The following DGKI variants were observed in gnomAD, a reference collection of about 807,000 sequenced individuals.
The protein encoded by DGKI is diacylglycerol kinase iota.
DGKI carries 55 observed loss-of-function variants against 147.5 expected under a neutral mutation model. The ratio of observed to expected loss-of-function variants is 0.37; its 90% CI spans 0.30 to 0.47. The LOEUF is 0.47. Ranked by LOEUF, DGKI falls within the 20% of genes least tolerant of loss-of-function variation. The pLI is 1.00. For missense variants in DGKI, 1,007 were observed against 1,323.8 expected (o/e 0.76, Z 3.71); for synonymous variants, 469 against 477.1 (o/e 0.98, Z 0.22).
chr7:137,578,360 C>T (rs1819061081), intron 15 of DGKI, 35 bp from the exon 16 acceptor site: 1 of 1,554,228 alleles, frequency 6.4e-7, no homozygotes, highest in Non-Finnish European at 8.9e-7. Flanking sequence ...GTTATGGAGA[C>T]CTCACTAAAG....
In DGKI at chr7:137,494,179, A is replaced by C. The variant is rs184929202; in HGVS notation, c.2249-6490T>G. Reference sequence around the variant, plus strand: ...GAGAAATATGGGATTATTTAAAGAGACCAAGTCTATGACTTATCAGCATCC... The same window carrying C: ...GAGAAATATGGGATTATTTAAAGAGCCCAAGTCTATGACTTATCAGCATCC... On this transcript the variant is annotated intron_variant, in intron 21 of 32. Transcript: ENST00000614521. Among the ~76,000 whole-genome samples the C allele has an allele frequency of 1.5e-3, 235 of 152,328 alleles. 1 individual carries two copies. Among genetic ancestry groups the C allele is most frequent in the African/African-American group, 5.5e-3 (229 of 41,574 alleles).
At chr7:137,484,731 G>C (rs1815493878) in intron 23 of DGKI, among the ~76,000 whole-genome samples, 1 of 152,014 alleles carries the variant, frequency 6.6e-6, no homozygotes, top group South Asian at 2.1e-4. Flanking sequence ...GAATAACTGA[G>C]TGTTCTCCTA....
At chr7:137,469,801 A>G (rs1461468818) in intron 23 of DGKI, among the ~76,000 whole-genome samples, 182 bp from the exon 24 acceptor site, 2 of 152,224 alleles carry the variant, frequency 1.3e-5, no homozygotes, top group East Asian at 3.8e-4. Flanking sequence ...GAACTTTTGA[A>G]AATGACTCCC....
intron 21 of DGKI, among the ~76,000 whole-genome samples, chr7:137,501,360 TC>T (rs1010307450): frequency 1.2e-4 from 18 of 152,304 alleles, no homozygotes; most frequent in Middle Eastern, 3.4e-3. Context: ...ATATACTGAT[TC>T]CTTTCTTTTG....
chr7:137,426,428 C>T (rs1157565146), intron 28 of DGKI, among the ~76,000 whole-genome samples: 1 of 152,130 alleles, frequency 6.6e-6, no homozygotes, highest in East Asian at 1.9e-4. Flanking sequence ...ACAACCGGTA[C>T]CAGCCACTAC....
At chr7:137,664,672 A>G (rs770321412) in intron 3 of DGKI, among the ~76,000 whole-genome samples, 12 of 152,108 alleles carry the variant, frequency 7.9e-5, no homozygotes, top group Non-Finnish European at 1.5e-4. Flanking sequence ...TTTATTTGGG[A>G]ACAGTTGCAG....
At chr7:137,700,381 G>C (rs547034046) in intron 1 of DGKI, among the ~76,000 whole-genome samples, 2 of 152,186 alleles carry the variant, frequency 1.3e-5, no homozygotes, top group Non-Finnish European at 2.9e-5. Context: ...ACAGATGAAT[G>C]GTTGTCTTGG....
intron 27 of DGKI, among the ~76,000 whole-genome samples, chr7:137,457,696 G>T (rs7792957): frequency 6.6e-6 from 1 of 151,986 alleles, no homozygotes; most frequent in East Asian, 1.9e-4. Context: ...AAATTTCCTT[G>T]AGCACACATA....
intron 19 of DGKI, among the ~76,000 whole-genome samples, chr7:137,570,256 G>A (rs563974285): frequency 7.2e-5 from 11 of 152,176 alleles, no homozygotes; most frequent in Admixed American, 1.3e-4. Context: ...TAACTGGTCC[G>A]CACATCATTT....
chr7:137,561,493 TA>T (rs1339005562), intron 19 of DGKI, among the ~76,000 whole-genome samples: 10 of 152,132 alleles, frequency 6.6e-5, no homozygotes, highest in Non-Finnish European at 1.2e-4. Context: ...AAATAAATTT[TA>T]GTGTTCTATA....
chr7:137,759,264 A>G (rs1018934700), intron 1 of DGKI, among the ~76,000 whole-genome samples: 5 of 151,786 alleles, frequency 3.3e-5, no homozygotes, highest in African/African-American at 1.2e-4. Flanking sequence ...CACTGAGACA[A>G]TGGCCTCCAG....
At chr7:137,795,926 A>G (rs1797011407) in intron 1 of DGKI, among the ~76,000 whole-genome samples, 1 of 152,238 alleles carries the variant, frequency 6.6e-6, no homozygotes, top group African/African-American at 2.4e-5. Context: ...AACAAAGAAC[A>G]CAGACTTTAC....
At chr7:137,770,967 T>C (rs559703613) in intron 1 of DGKI, among the ~76,000 whole-genome samples, 1 of 152,360 alleles carries the variant, frequency 6.6e-6, no homozygotes, top group East Asian at 1.9e-4. Flanking sequence ...TGAGGCAAGC[T>C]TTGAATGAGT....
chr7:137,763,544 G>A (rs1795922512), intron 1 of DGKI, among the ~76,000 whole-genome samples: 1 of 152,174 alleles, frequency 6.6e-6, no homozygotes, highest in Non-Finnish European at 1.5e-5. Context: ...AATGTTTTAT[G>A]GAAATTATGT....
At chr7:137,401,242 TAA>T (rs1296216928) in intron 30 of DGKI, among the ~76,000 whole-genome samples, 1 of 151,576 alleles carries the variant, frequency 6.6e-6, no homozygotes, top group East Asian at 1.9e-4. Flanking sequence ...GAGAAAAAAA[TAA>T]AGACTAGTCA....
rs368399753 is a variant in DGKI at position 137,819,313 on chromosome 7, A to ATTT, written c.401+27146_401+27148dup. ...TCCAAGAACTTCAGACTACAAGGGA[A>ATTT]TTTTTTTTTTTTTTTTGAGACAGAG... is the stretch of plus-strand genomic sequence containing the variant. On this transcript the variant is annotated intron_variant, in intron 1 of 32. Coordinates refer to ENST00000614521, the MANE Select transcript of DGKI (RefSeq NM_001321708.2). Among the ~76,000 whole-genome samples the ATTT allele has an allele frequency of 7.2e-3, 1,041 of 143,698 alleles. 10 individuals are homozygous for ATTT. Among genetic ancestry groups the ATTT allele is most frequent in the African/African-American group, 0.025 (994 of 39,260 alleles). The allele number at this position is 143,698 out of a possible 152,430, so 94.3% of individuals were successfully genotyped here. A position where few individuals can be genotyped will look rare whatever the true frequency, so the allele number is the denominator to read the frequency against.
intron 12 of DGKI, 61 bp downstream of exon 12, chr7:137,597,786 A>C: frequency 6.6e-7 from 1 of 1,513,144 alleles, no homozygotes; most frequent in Non-Finnish European, 9.2e-7. Flanking sequence ...AAGAAGTGCC[A>C]CAAGAAAACA....
chr7:137,405,428 G>T (rs1731942), intron 30 of DGKI, among the ~76,000 whole-genome samples: 152,235 of 152,236 alleles, frequency 1, 76,117 homozygotes, highest in Non-Finnish European at 1. Flanking sequence ...TTGTGAAACT[G>T]GGGTTCTTAA....
chr7:137,497,624 C>T (rs918823552), intron 21 of DGKI, among the ~76,000 whole-genome samples: 24 of 151,932 alleles, frequency 1.6e-4, no homozygotes, highest in Non-Finnish European at 2.1e-4. Context: ...AAAAAAAATG[C>T]GATCATGTCC....
Sources: allele counts gnomAD v4.1 joint callset (sites outside exome capture counted in the v4.1 genomes callset), GRCh38; gene constraint gnomAD v4.1.1; transcripts MANE v1.5; gene names NCBI Gene and HGNC (gene_info 2026-07-23, HGNC 2026-07-21).